The following CAPRIN2 variants were observed in gnomAD, a reference collection of about 807,000 sequenced individuals.
CAPRIN2 encodes caprin family member 2, also known as caprin-2.
In CAPRIN2, 66 loss-of-function variants were observed where a neutral mutation model predicts 130.4. That is an observed-to-expected ratio of 0.51 (90% CI 0.42 to 0.62). CAPRIN2 has a LOEUF of 0.62. Ranked by LOEUF, CAPRIN2 falls within the 20% of genes least tolerant of loss-of-function variation. The pLI is 0.00. For synonymous variants in CAPRIN2, 471 were observed against 444.1 expected, an observed-to-expected ratio of 1.06 and a Z score of -0.76; for missense variants, 1,185 against 1,246.6, an observed-to-expected ratio of 0.95 and a Z score of 0.74.
intron 10 of CAPRIN2, 104 bp from the exon 12 acceptor site, chr12:30,723,418 T>C: frequency 1.3e-6 from 1 of 746,258 alleles, no homozygotes. Context: ...AGACATTAGC[T>C]GGAAGGACTA....
At chr12:30,732,877 G>A (rs890676572) in intron 5 of CAPRIN2, among the ~76,000 whole-genome samples, 11 of 152,010 alleles carry the variant, frequency 7.2e-5, no homozygotes, top group Admixed American at 5.2e-4. Flanking sequence ...ATTGCTTAGC[G>A]TTATAAGTGT....
chr12:30,715,001 T>C lies in CAPRIN2; in HGVS notation c.2458A>G (p.Arg820Gly), dbSNP rs1324198651. ...GACCGATAGGAATTGGTTATTAATCTCCCACCACGAGTACATCCTCTAACA... is the reference window on the plus strand; with the variant it reads ...GACCGATAGGAATTGGTTATTAATCCCCCACCACGAGTACATCCTCTAACA... The change falls in exon 14 of 17, where the codon AGA becomes GGA. Residue 820 changes from arginine to glycine, a missense_variant. Arg to Gly is a moderately radical substitution (Grantham distance 125). Around this residue, in one of 2 missense-constraint regions of CAPRIN2, gnomAD observed 1,104 missense variants for 1,104.3 expected, o/e 1.00. Coordinates refer to ENST00000298892, the Ensembl canonical transcript of CAPRIN2. 3 of 1,613,886 alleles carry C rather than the reference T, an allele frequency of 1.9e-6. No individual in the cohort carries two copies. The East Asian group carries it at 6.7e-5, about 36-fold the overall frequency.
intron 12 of CAPRIN2, 108 bp from the exon 15 acceptor site, chr12:30,716,784 G>A: frequency 2.3e-6 from 2 of 887,464 alleles, no homozygotes. Context: ...TGCAGGCAAA[G>A]GACTTGAATA....
chr12:30,747,909 AG>A (rs1010851315), intron 2 of CAPRIN2, among the ~76,000 whole-genome samples: 3 of 152,224 alleles, frequency 2.0e-5, no homozygotes, highest in African/African-American at 7.2e-5. Context: ...GAGGGGGTTC[AG>A]AACTTCAGCA....
chr12:30,723,360 C>CTTACGCA (rs1565589211), intron 10 of CAPRIN2, 46 bp from the exon 12 acceptor site: 5 of 1,345,086 alleles, frequency 3.7e-6, no homozygotes, highest in Non-Finnish European at 5.3e-6. Flanking sequence ...AAGACAAAAG[C>CTTACGCA]TTACGCATAT....
chr12:30,710,541 C>G lies in CAPRIN2; in HGVS notation c.2666-71G>C. The G allele has an allele frequency of 6.3e-7, 1 of 1,592,732 alleles. No homozygotes were observed. Among genetic ancestry groups the G allele is most frequent in the Non-Finnish European group, 8.5e-7 (1 of 1,170,980 alleles). The stretch of plus-strand genomic sequence containing the variant: ...TTTGAACACAATATTTAACATTAGT[C>G]GGCTACTGAAACAGACAAAGATACA... On this transcript the variant is annotated intron_variant, in intron 16 of 16. Coordinates refer to ENST00000298892, the Ensembl canonical transcript of CAPRIN2. The surrounding 1 kb of genome is among the most constrained non-coding windows in gnomAD (Gnocchi z 4.8).
intron 3 of CAPRIN2, among the ~76,000 whole-genome samples, chr12:30,739,206 T>A (rs1474300589): frequency 6.6e-6 from 1 of 152,208 alleles, no homozygotes; most frequent in Non-Finnish European, 1.5e-5. Flanking sequence ...ATATATATCA[T>A]GGAATACCAT....
At chr12:30,722,261 T>G (rs528633745) in intron 11 of CAPRIN2, among the ~76,000 whole-genome samples, 1 of 152,180 alleles carries the variant, frequency 6.6e-6, no homozygotes, top group East Asian at 1.9e-4. Context: ...AACATGATAT[T>G]TGAAACCAAT....
At position 30,722,064 on chromosome 12, in the gene CAPRIN2, A is replaced by G. The variant is rs145264952; in HGVS notation, c.2044-1149T>C. On this transcript the variant is annotated intron_variant, in intron 11 of 16. Transcript: ENST00000298892. ...TAACTCTGTTGCTAAGGGAAGATTCACAGATGCTAAATTAAGGCATCTTAG... is the reference window on the plus strand; with the variant it reads ...TAACTCTGTTGCTAAGGGAAGATTCGCAGATGCTAAATTAAGGCATCTTAG... Among the ~76,000 whole-genome samples, 188 of 152,288 alleles carry G rather than the reference A, an allele frequency of 1.2e-3. 2 individuals are homozygous for G. Among genetic ancestry groups the G allele is most frequent in the African/African-American group, 4.3e-3 (178 of 41,520 alleles).
At chr12:30,733,686 A>G in exon 5 of CAPRIN2, 1 of 1,613,600 alleles carries the variant, frequency 6.2e-7, no homozygotes, top group Non-Finnish European at 8.5e-7. Context: ...AAGTACAAGG[A>G]TGACTGCTCC....
exon 9 of CAPRIN2, chr12:30,725,969 C>A: frequency 6.3e-7 from 1 of 1,584,854 alleles, no homozygotes; most frequent in Non-Finnish European, 8.6e-7. Flanking sequence ...CTCATACTTG[C>A]ATAAAGTTAC....
rs375234262 is a variant in CAPRIN2 at position 30,710,361 on chromosome 12, C to T, written c.2775G>A (p.Val925=). 3 of 1,614,036 alleles carry T rather than the reference C, an allele frequency of 1.9e-6. No homozygotes were observed. Among genetic ancestry groups the T allele is most frequent in the Non-Finnish European group, 2.5e-6 (3 of 1,180,046 alleles). ...TGGTGGCTGCTGGATTTGTCACTGG[C>T]ACATCCACAGGGGTCATGCTACGGG... The change falls in exon 17 of 17, where the codon GTG becomes GTA. Residue 925 remains valine (V), a synonymous_variant. Coordinates refer to ENST00000298892, the Ensembl canonical transcript of CAPRIN2. This position sits in a 1 kb window ranked among gnomAD's most constrained non-coding sequence, Gnocchi z 4.8.
chr12:30,718,962 C>T, intron 12 of CAPRIN2, 117 bp downstream of exon 14: 1 of 1,159,616 alleles, frequency 8.6e-7, no homozygotes, highest in Non-Finnish European at 1.2e-6. Flanking sequence ...TTCTACCAAC[C>T]CAAATAAATT....
At chr12:30,731,598 T>C (rs1009939831) in intron 5 of CAPRIN2, 88 bp from the exon 7 acceptor site, 95 of 1,040,030 alleles carry the variant, frequency 9.1e-5, no homozygotes, top group Non-Finnish European at 1.3e-4. Flanking sequence ...CTAGTTGTAG[T>C]ACATTGTTAC....
exon 1 of CAPRIN2, chr12:30,753,814 T>C (rs761712208): frequency 6.6e-7 from 1 of 1,515,348 alleles, no homozygotes; most frequent in Non-Finnish European, 8.9e-7. Flanking sequence ...AGCCTTTACA[T>C]AGGCAAAATC....
At chr12:30,719,488 C>T (rs765664604) in intron 12 of CAPRIN2, 23 of 388,636 alleles carry the variant, frequency 5.9e-5, no homozygotes, top group African/African-American at 1.4e-4. Flanking sequence ...ACTTTTTATA[C>T]GCACCTAGTC....
chr12:30,734,878 ACACACACACTCT>A (rs780683818), intron 4 of CAPRIN2, 78 bp downstream of exon 5: 7 of 753,360 alleles, frequency 9.3e-6, no homozygotes, highest in Non-Finnish European at 1.2e-5. Context: ...ACACACACAC[ACACACACACTCT>A]CTCTCTCACA....
chr12:30,717,641 T>C (rs2058072624), intron 12 of CAPRIN2, among the ~76,000 whole-genome samples: 1 of 152,176 alleles, frequency 6.6e-6, no homozygotes, highest in South Asian at 2.1e-4. Flanking sequence ...TGACAGATTT[T>C]ACACCTAACA....
intron 1 of CAPRIN2, chr12:30,751,414 G>A (rs915878338): frequency 1.5e-5 from 5 of 326,150 alleles, no homozygotes; most frequent in Admixed American, 4.2e-5. Flanking sequence ...TAACCCATGG[G>A]GACTTACCTA....
Sources: allele counts gnomAD v4.1 joint callset (sites outside exome capture counted in the v4.1 genomes callset), GRCh38; gene constraint gnomAD v4.1.1; regional missense constraint gnomAD v4.1.1; non-coding constraint Gnocchi (gnomAD v3.1); transcripts MANE v1.5; gene names NCBI Gene and HGNC (gene_info 2026-07-23, HGNC 2026-07-21).